The following PTPRT variants were observed in gnomAD, a reference collection of about 807,000 sequenced individuals.
PTPRT encodes the protein protein tyrosine phosphatase receptor type T, also known as receptor-type tyrosine-protein phosphatase T.
PTPRT carries 56 observed loss-of-function variants against 176.8 expected under a neutral mutation model. The ratio of observed to expected loss-of-function variants is 0.32; its 90% CI spans 0.26 to 0.40. The LOEUF (loss-of-function observed/expected upper bound fraction) is 0.40. Ranked by LOEUF, PTPRT falls within the 10% of genes least tolerant of loss-of-function variation. PTPRT has a pLI of 1.00. For synonymous variants in PTPRT, 783 were observed against 739.0 expected (o/e 1.06, Z -0.96); for missense variants, 1,540 against 1,908.2 (o/e 0.81, Z 3.60).
intron 16 of PTPRT, among the ~76,000 whole-genome samples, chr20:42,184,886 T>G (rs899606265): frequency 6.6e-6 from 1 of 151,418 alleles, no homozygotes; most frequent in Non-Finnish European, 1.5e-5. Flanking sequence ...TCCACCCACC[T>G]TGGCCTCCCA....
intron 16 of PTPRT, among the ~76,000 whole-genome samples, chr20:42,185,987 G>A (rs139220143): frequency 1.8e-4 from 27 of 152,050 alleles, no homozygotes; most frequent in African/African-American, 5.3e-4. Context: ...TTTGCAAACC[G>A]CAGTTGTTGC....
At chr20:43,041,651 A>G (rs1986610623) in intron 1 of PTPRT, among the ~76,000 whole-genome samples, 1 of 152,190 alleles carries the variant, frequency 6.6e-6, no homozygotes, top group Non-Finnish European at 1.5e-5. Flanking sequence ...AAGTAAACCT[A>G]TCCAACCTAT....
chr20:43,104,497 C>T (rs965464971), intron 1 of PTPRT, among the ~76,000 whole-genome samples: 4 of 152,120 alleles, frequency 2.6e-5, no homozygotes, highest in African/African-American at 9.7e-5. Context: ...GCTATTTAAC[C>T]CCCCTGAAAA....
intron 1 of PTPRT, among the ~76,000 whole-genome samples, chr20:42,917,129 A>G (rs1408191372): frequency 6.6e-6 from 1 of 152,092 alleles, no homozygotes; most frequent in Non-Finnish European, 1.5e-5. Flanking sequence ...ATCTTGAATT[A>G]ATTTTTGTAT....
At chr20:42,445,577 T>G (rs544486451) in intron 9 of PTPRT, among the ~76,000 whole-genome samples, 20 of 152,330 alleles carry the variant, frequency 1.3e-4, no homozygotes, top group African/African-American at 4.8e-4. Flanking sequence ...ACAACCTCCT[T>G]AGCTGTCTTT....
rs369263354 is a variant in PTPRT at position 42,789,486 on chromosome 20, A to C, written c.486+1709T>G. Among the ~76,000 whole-genome samples the C allele has an allele frequency of 2.1e-3, 325 of 152,326 alleles. 12 individuals are homozygous for C. In the South Asian group the frequency reaches 0.026, roughly 12 times the overall value. On this transcript the variant is annotated intron_variant, in intron 3 of 30. Coordinates refer to ENST00000373187, the MANE Select transcript of PTPRT (RefSeq NM_007050.6). Reference sequence around the variant, plus strand: ...CTTACCATTTCTGAGCCTTCGTTTCATCACCTATAAAATGGGTACGTAGTA... The same window carrying C: ...CTTACCATTTCTGAGCCTTCGTTTCCTCACCTATAAAATGGGTACGTAGTA...
chr20:42,523,892 A>G (rs1008967870), intron 7 of PTPRT, among the ~76,000 whole-genome samples: 1 of 152,160 alleles, frequency 6.6e-6, no homozygotes, highest in Non-Finnish European at 1.5e-5. Flanking sequence ...AGGTTGAGGC[A>G]GGAGGATCAC....
chr20:43,104,143 G>C (rs923273379), intron 1 of PTPRT, among the ~76,000 whole-genome samples: 1 of 152,152 alleles, frequency 6.6e-6, no homozygotes, highest in Non-Finnish European at 1.5e-5. Context: ...AATGACTCAT[G>C]CTGGATCACA....
At chr20:42,763,570 A>G (rs1260127338) in intron 5 of PTPRT, among the ~76,000 whole-genome samples, 1 of 152,200 alleles carries the variant, frequency 6.6e-6, no homozygotes, top group Non-Finnish European at 1.5e-5. Flanking sequence ...TCCTGGCCAG[A>G]AAATATTTAG....
chr20:42,721,060 C>G (rs2076295005), intron 6 of PTPRT, among the ~76,000 whole-genome samples: 2 of 152,104 alleles, frequency 1.3e-5, no homozygotes, highest in South Asian at 4.1e-4. Context: ...AGTGTTAGCT[C>G]TACACAGACA....
At position 42,472,247 on chromosome 20, in the gene PTPRT, G is replaced by A. The variant is rs762955886; in HGVS notation, c.1450+19C>T. The stretch of plus-strand genomic sequence containing the variant: ...ATTCAATATCCCCATTCCCATGTAA[G>A]CTCTCCTCCCTTGCTCACCGTCTTC... On this transcript the variant is annotated intron_variant, in intron 8 of 30. Coordinates refer to ENST00000373187, the MANE Select transcript of PTPRT (RefSeq NM_007050.6). 6.2e-7 allele frequency: 1 copy of A among 1,608,590 alleles called. No homozygotes were observed. Among genetic ancestry groups the A allele is most frequent in the Admixed American group, 1.7e-5 (1 of 59,716 alleles).
intron 6 of PTPRT, among the ~76,000 whole-genome samples, chr20:42,705,083 T>C (rs950297417): frequency 2.0e-5 from 3 of 151,998 alleles, no homozygotes; most frequent in Non-Finnish European, 4.4e-5. Context: ...TGCATGCCTG[T>C]AATCCCAGCT....
intron 2 of PTPRT, among the ~76,000 whole-genome samples, chr20:42,855,979 G>A (rs2078556442): frequency 6.6e-6 from 1 of 151,994 alleles, no homozygotes; most frequent in Non-Finnish European, 1.5e-5. Context: ...GCAAAGACAA[G>A]AAAATGAATG....
intron 2 of PTPRT, among the ~76,000 whole-genome samples, chr20:42,852,336 T>C (rs1018274650): frequency 2.0e-5 from 3 of 152,206 alleles, no homozygotes; most frequent in Non-Finnish European, 2.9e-5. Context: ...TTTCATGTTG[T>C]TCCTGCATTT....
At chr20:42,806,993 A>G (rs755795779) in intron 2 of PTPRT, among the ~76,000 whole-genome samples, 62 of 152,164 alleles carry the variant, frequency 4.1e-4, no homozygotes, top group Middle Eastern at 3.2e-3. Flanking sequence ...TGTGAAAACG[A>G]CACCTTCCAA....
At chr20:42,236,511 A>G (rs1352273744) in intron 14 of PTPRT, among the ~76,000 whole-genome samples, 2 of 152,170 alleles carry the variant, frequency 1.3e-5, no homozygotes, top group African/African-American at 4.8e-5. Flanking sequence ...CACATAGAGT[A>G]AGCCATGTTT....
At chr20:43,034,702 G>A (rs73907457) in intron 1 of PTPRT, among the ~76,000 whole-genome samples, 3,544 of 151,734 alleles carry the variant, frequency 0.023, 165 homozygotes, top group African/African-American at 0.081. Context: ...TCAAAACCGT[G>A]AACACAGATG....
At chr20:42,914,266 A>G (rs1978584342) in intron 1 of PTPRT, among the ~76,000 whole-genome samples, 1 of 152,038 alleles carries the variant, frequency 6.6e-6, no homozygotes, top group African/African-American at 2.4e-5. Context: ...TCCAGTTCCC[A>G]CCCTACTCAT....
At chr20:42,130,710 A>G (rs986315786) in intron 18 of PTPRT, among the ~76,000 whole-genome samples, 2 of 152,224 alleles carry the variant, frequency 1.3e-5, no homozygotes, top group Admixed American at 6.5e-5. Flanking sequence ...CTAGACAGCA[A>G]GTTATACTAA....
Sources: allele counts gnomAD v4.1 joint callset (sites outside exome capture counted in the v4.1 genomes callset), GRCh38; gene constraint gnomAD v4.1.1; transcripts MANE v1.5; gene names NCBI Gene and HGNC (gene_info 2026-07-23, HGNC 2026-07-21).